The following GRM7 variants were observed in gnomAD, a reference collection of about 807,000 sequenced individuals.
The protein encoded by GRM7 is metabotropic glutamate receptor 7.
A neutral mutation model predicts 84.5 loss-of-function variants in GRM7; 35 were observed. The observed-to-expected ratio is 0.41, with a 90% CI of 0.32 to 0.55. The LOEUF (loss-of-function observed/expected upper bound fraction) is 0.55. Ranked by LOEUF, GRM7 falls within the 20% of genes least tolerant of loss-of-function variation. The probability of loss-of-function intolerance (pLI) is 0.19; values close to 1 mark genes in which losing one functional copy is unlikely to be tolerated. For missense variants in GRM7, 1,003 were observed against 1,194.6 expected (o/e 0.84, Z 2.36); for synonymous variants, 487 against 455.1 (o/e 1.07, Z -0.89).
intron 7 of GRM7, among the ~76,000 whole-genome samples, chr3:7,540,684 C>A (rs1037182996): frequency 7.2e-5 from 11 of 152,096 alleles, no homozygotes; most frequent in African/African-American, 1.4e-4. Flanking sequence ...AAGCCACTGA[C>A]TTACATCTTT....
chr3:7,462,164 G>T (rs1393421636), intron 7 of GRM7, among the ~76,000 whole-genome samples: 2 of 152,034 alleles, frequency 1.3e-5, no homozygotes, highest in African/African-American at 2.4e-5. Flanking sequence ...CTGAGTAATT[G>T]CAGTGCTTCC....
intron 1 of GRM7, among the ~76,000 whole-genome samples, chr3:6,959,890 A>G (rs1217465131): frequency 6.6e-6 from 1 of 152,016 alleles, no homozygotes; most frequent in Admixed American, 6.6e-5. Flanking sequence ...AAACTCATGG[A>G]GAGGTATGGT....
At chr3:6,916,040 C>G (rs907386286) in intron 1 of GRM7, among the ~76,000 whole-genome samples, 9 of 152,158 alleles carry the variant, frequency 5.9e-5, no homozygotes, top group African/African-American at 2.2e-4. Flanking sequence ...TTCAACAAGG[C>G]ACTATCTTTG....
intron 8 of GRM7, among the ~76,000 whole-genome samples, chr3:7,610,734 C>T (rs1286226854): frequency 2.0e-5 from 3 of 152,160 alleles, no homozygotes; most frequent in East Asian, 3.9e-4. Flanking sequence ...TTTTAGGCTT[C>T]CACGGCCTCC....
intron 7 of GRM7, among the ~76,000 whole-genome samples, chr3:7,530,948 T>TTTA (rs2125004245): frequency 6.6e-6 from 1 of 152,324 alleles, no homozygotes; most frequent in South Asian, 2.1e-4. Context: ...CCCTTTAGTT[T>TTTA]AATTAGATCC....
chr3:7,103,726 CTCTT>C (rs1471972275), intron 1 of GRM7, among the ~76,000 whole-genome samples: 21 of 148,756 alleles, frequency 1.4e-4, no homozygotes, highest in South Asian at 2.1e-4. Flanking sequence ...TTTGTTTTCT[CTCTT>C]TTTCTCTTTC....
intron 5 of GRM7, among the ~76,000 whole-genome samples, chr3:7,433,646 G>T (rs1030592311): frequency 6.6e-6 from 1 of 152,180 alleles, no homozygotes; most frequent in South Asian, 2.1e-4. Flanking sequence ...CATGATCCAA[G>T]TATCTTTTCC....
At chr3:7,568,797 C>T (rs1168307870) in intron 7 of GRM7, among the ~76,000 whole-genome samples, 3 of 152,096 alleles carry the variant, frequency 2.0e-5, no homozygotes, top group Non-Finnish European at 2.9e-5. Context: ...ACTGGCGCTG[C>T]GCTTGATTTC....
intron 8 of GRM7, among the ~76,000 whole-genome samples, chr3:7,602,980 G>C (rs1478087624): frequency 6.6e-6 from 1 of 152,126 alleles, no homozygotes; most frequent in African/African-American, 2.4e-5. Flanking sequence ...TCTACTGACA[G>C]AATGAGTCAT....
intron 2 of GRM7, among the ~76,000 whole-genome samples, chr3:7,223,714 C>T (rs1696886759): frequency 6.6e-6 from 1 of 152,132 alleles, no homozygotes; most frequent in Admixed American, 6.5e-5. Flanking sequence ...CTCACAGGGA[C>T]ACTCTTAAAA....
intron 9 of GRM7, among the ~76,000 whole-genome samples, chr3:7,709,628 C>T (rs1701512578): frequency 6.6e-6 from 1 of 152,070 alleles, no homozygotes; most frequent in Non-Finnish European, 1.5e-5. Context: ...TTTGGGTTTC[C>T]CAGTAGGACT....
chr3:7,700,909 C>A (rs932646674), intron 9 of GRM7, among the ~76,000 whole-genome samples: 1 of 152,210 alleles, frequency 6.6e-6, no homozygotes, highest in East Asian at 1.9e-4. Context: ...ACAGGTCATT[C>A]TTTCCTTCCC....
chr3:7,483,483 G>T (rs1406444209), intron 7 of GRM7, among the ~76,000 whole-genome samples: 2 of 152,182 alleles, frequency 1.3e-5, no homozygotes, highest in Non-Finnish European at 2.9e-5. Flanking sequence ...AGTGAAAGAA[G>T]CCAATGTGAT....
chr3:6,930,189 A>G (rs1371522028), intron 1 of GRM7, among the ~76,000 whole-genome samples: 1 of 152,220 alleles, frequency 6.6e-6, no homozygotes, highest in Non-Finnish European at 1.5e-5. Flanking sequence ...AAATAGGGTC[A>G]GTCCTTGCTG....
At chr3:7,732,113 T>C (rs1702353038) in intron 9 of GRM7, among the ~76,000 whole-genome samples, 1 of 152,178 alleles carries the variant, frequency 6.6e-6, no homozygotes, top group Non-Finnish European at 1.5e-5. Flanking sequence ...TGGCGTGATC[T>C]TGGCTCACTG....
At chr3:7,565,853 C>G (rs562289178) in intron 7 of GRM7, among the ~76,000 whole-genome samples, 1 of 152,178 alleles carries the variant, frequency 6.6e-6, no homozygotes, top group South Asian at 2.1e-4. Flanking sequence ...AAGGAAGTAA[C>G]CTTTATCTGT....
At chr3:7,514,514 A>G (rs1455068979) in intron 7 of GRM7, among the ~76,000 whole-genome samples, 1 of 152,218 alleles carries the variant, frequency 6.6e-6, no homozygotes, top group Non-Finnish European at 1.5e-5. Context: ...AACCAGATGT[A>G]GGCTCTAAAA....
Position 6,861,504 on chromosome 3 carries a change from C to G in GRM7, c.116C>G (p.Ala39Gly). 1 of 1,579,468 alleles carries G rather than the reference C, an allele frequency of 6.3e-7. No individual in the cohort carries two copies. The highest frequency in any genetic ancestry group is 8.6e-7 in the Non-Finnish European group (1 of 1,164,468). ...AAAARGQEMY[A>G]PHSIRIEGDV... ...GCGGCGCGCGGCCAGGAGATGTACG[C>G]CCCGCACTCAATCCGGATCGAGGGG... The change falls in exon 1 of 10, where the codon GCC (alanine) becomes GGC (glycine). Residue 39 changes from alanine (A) to glycine (G), a missense_variant. Physicochemically the swap from Ala to Gly is moderately conservative, Grantham distance 60. This residue lies in a region of GRM7 where 93 missense variants were observed against 68.6 expected (regional missense o/e 1.36). Coordinates refer to ENST00000357716, the MANE Select transcript of GRM7 (RefSeq NM_000844.4). This position sits in a 1 kb window ranked among gnomAD's most constrained non-coding sequence, Gnocchi z 6.4.
intron 4 of GRM7, among the ~76,000 whole-genome samples, chr3:7,320,719 T>TGC (rs1553560021): frequency 6.6e-5 from 10 of 151,230 alleles, no homozygotes; most frequent in African/African-American, 1.5e-4. Flanking sequence ...TGTGTGTGTG[T>TGC]GCAACTTCTT....
Sources: allele counts gnomAD v4.1 joint callset (sites outside exome capture counted in the v4.1 genomes callset), GRCh38; gene constraint gnomAD v4.1.1; regional missense constraint gnomAD v4.1.1; non-coding constraint Gnocchi (gnomAD v3.1); transcripts MANE v1.5; gene names NCBI Gene and HGNC (gene_info 2026-07-23, HGNC 2026-07-21).